The following RBM5 variants were observed in gnomAD, a reference collection of about 807,000 sequenced individuals.
RBM5 encodes RNA-binding protein 5.
Under a neutral mutation model 124.6 loss-of-function variants are expected in RBM5, and 15 were observed. The observed-to-expected ratio is 0.12, with a 90% CI of 0.08 to 0.19. The LOEUF is 0.19. Among genes scored for constraint, RBM5 ranks in the 10% least tolerant of loss-of-function variants. The pLI, the probability that RBM5 is intolerant of heterozygous loss-of-function variation, is 1.00. For missense variants in RBM5, 580 were observed against 1,026.5 expected (o/e 0.57, Z 5.94); for synonymous variants, 337 against 361.2 (o/e 0.93, Z 0.76).
chr3:50,107,672 CTTTTTTTTTTTTTTTTTTTT>C, intron 12 of RBM5, 103 bp downstream of exon 12: 2 of 102,172 alleles, frequency 2.0e-5, no homozygotes, highest in Admixed American at 2.2e-4. Context: ...CTTTTCTTTT[CTTTTTTTTTTTTTTTTTTTT>C]TTTTTTTTTT....
rs1012505819 is a variant in RBM5 at position 50,100,566 on chromosome 3, T to C, written c.444T>C (p.Tyr148=). 15 of 1,613,228 alleles carry C rather than the reference T, an allele frequency of 9.3e-6. No individual in the cohort carries two copies. Among genetic ancestry groups the C allele is most frequent in the African/African-American group, 1.3e-5 (1 of 74,900 alleles). Residue 148 remains tyrosine (Y), a synonymous_variant, in exon 6 of 25, where the codon TAT becomes TAC. Transcript: ENST00000347869. This position sits in a 1 kb window ranked among gnomAD's most constrained non-coding sequence, Gnocchi z 5.1. ...VSRGFAFVEF[Y]HLQDATSWME... ...GTGGTTTCGCCTTCGTGGAGTTTTA[T>C]CACTTGCAAGATGCTACCAGCTGGA...
chr3:50,106,745 T>C lies in RBM5; in HGVS notation c.856-22T>C, dbSNP rs370651779. Reference sequence around the variant, plus strand: ...GATTTTTAATTGCATTACACGTTTTTTTCCTTCACATTCTCCTTCAGGATG... The same window carrying C: ...GATTTTTAATTGCATTACACGTTTTCTTCCTTCACATTCTCCTTCAGGATG... On this transcript the variant is annotated intron_variant, in intron 10 of 24. Coordinates refer to ENST00000347869, the MANE Select transcript of RBM5 (RefSeq NM_005778.4). The C allele has an allele frequency of 1.2e-3, 1,898 of 1,536,302 alleles. 5 individuals carry two copies. Among genetic ancestry groups the C allele is most frequent in the Non-Finnish European group, 1.3e-3 (1,476 of 1,110,138 alleles).
At chr3:50,111,774 T>A (rs2091148682) in intron 17 of RBM5, among the ~76,000 whole-genome samples, 1 of 152,200 alleles carries the variant, frequency 6.6e-6, no homozygotes, top group African/African-American at 2.4e-5. Context: ...GAGGGTAGAA[T>A]TTAGCAGATG....
chr3:50,114,017 T>C lies in RBM5; in HGVS notation c.1685T>C (p.Phe562Ser). The C allele has an allele frequency of 6.2e-7, 1 of 1,614,206 alleles. No individual in the cohort carries two copies. The highest frequency in any genetic ancestry group is 8.5e-7 in the Non-Finnish European group (1 of 1,180,036). ...CAGAAAGAAAACTTTAAAAATAGCT[T>C]TCAGCCTGTCAATTCCTTGAGGGAA... ...NKQKENFKNS[F>S]QPVNSLREEE... Residue 562 changes from phenylalanine (F) to serine (S), a missense_variant, in exon 19 of 25, where the codon TTT (phenylalanine) becomes TCT (serine). Around this residue, in one of 6 missense-constraint regions of RBM5, gnomAD observed 234 missense variants for 435.1 expected, o/e 0.54. Transcript: ENST00000347869.
chr3:50,096,444 C>T (rs1347017072), intron 4 of RBM5, among the ~76,000 whole-genome samples: 2 of 151,900 alleles, frequency 1.3e-5, no homozygotes, highest in East Asian at 1.9e-4. Flanking sequence ...GTTGTGTTCA[C>T]GCCACTGCAC....
chr3:50,107,875 G>A (rs1166086668), intron 12 of RBM5, among the ~76,000 whole-genome samples, 195 bp from the exon 13 acceptor site: 2 of 151,194 alleles, frequency 1.3e-5, no homozygotes, highest in Non-Finnish European at 2.9e-5. Flanking sequence ...TAGTAGAGAT[G>A]GGATTTCACC....
chr3:50,102,934 TG>T, intron 6 of RBM5, 148 bp from the exon 7 acceptor site: 1 of 646,476 alleles, frequency 1.5e-6, no homozygotes, highest in South Asian at 1.7e-5. Flanking sequence ...AAGGATTGGA[TG>T]GGCAGAGTAT....
At chr3:50,101,196 A>G (rs2090932764) in intron 6 of RBM5, 1 of 152,228 alleles carries the variant, frequency 6.6e-6, no homozygotes, top group Non-Finnish European at 1.5e-5. Flanking sequence ...TGCCTTTTAT[A>G]GTCTGTTCAA....
At chr3:50,110,561 A>G (rs2091126109) in intron 16 of RBM5, 98 bp downstream of exon 16, 1 of 1,446,894 alleles carries the variant, frequency 6.9e-7, no homozygotes, top group African/African-American at 1.4e-5. Flanking sequence ...TCAGAGGGAC[A>G]CTTGGGGATG....
chr3:50,098,722 G>A (rs966618350), intron 4 of RBM5, among the ~76,000 whole-genome samples: 5 of 152,024 alleles, frequency 3.3e-5, no homozygotes, highest in East Asian at 1.9e-4. Flanking sequence ...AATTACAGGC[G>A]TGAGCCACTA....
At chr3:50,103,531 C>G (rs2090979165) in intron 7 of RBM5, among the ~76,000 whole-genome samples, 1 of 152,076 alleles carries the variant, frequency 6.6e-6, no homozygotes, top group Admixed American at 6.6e-5. Flanking sequence ...CCTGTAATCC[C>G]AGCTACTCGG....
intron 11 of RBM5, 187 bp downstream of exon 11, chr3:50,107,051 A>T (rs1400521196): frequency 1.4e-6 from 1 of 700,784 alleles, no homozygotes; most frequent in Admixed American, 2.0e-5. Flanking sequence ...TAACCAGTTG[A>T]TGAAGTTGCC....
intron 20 of RBM5, 74 bp from the exon 21 acceptor site, chr3:50,115,354 C>T (rs2091228739): frequency 1.3e-6 from 2 of 1,518,978 alleles, no homozygotes; most frequent in Admixed American, 2.1e-5. Context: ...TGAGGCATTA[C>T]TTTATCCAGG....
intron 18 of RBM5, 43 bp downstream of exon 18, chr3:50,113,587 G>C (rs1349100248): frequency 6.4e-7 from 1 of 1,554,082 alleles, no homozygotes; most frequent in African/African-American, 1.4e-5. Context: ...GTATTGGGCT[G>C]AACTCTTAGT....
intron 17 of RBM5, among the ~76,000 whole-genome samples, chr3:50,111,347 A>C (rs1200140584): frequency 6.6e-6 from 1 of 152,072 alleles, no homozygotes; most frequent in Non-Finnish European, 1.5e-5. Flanking sequence ...TGTACCTGTT[A>C]AACAGTCACT....
chr3:50,093,923 C>A, intron 4 of RBM5, 48 bp downstream of exon 4: 1 of 1,556,442 alleles, frequency 6.4e-7, no homozygotes, highest in Non-Finnish European at 8.8e-7. Flanking sequence ...GCACAATGAA[C>A]TTTGAGCTTC....
At chr3:50,091,977 T>C (rs2090711468) in intron 2 of RBM5, 66 bp from the exon 3 acceptor site, 1 of 1,534,358 alleles carries the variant, frequency 6.5e-7, no homozygotes, top group Admixed American at 1.7e-5. Flanking sequence ...GTGTGTATTT[T>C]TAACTATGTC....
At chr3:50,115,679 C>T (rs2109019828) in intron 21 of RBM5, 72 bp downstream of exon 21, 1 of 1,503,254 alleles carries the variant, frequency 6.7e-7, no homozygotes, top group East Asian at 2.3e-5. Flanking sequence ...CCTAACAGTC[C>T]TGACGGTTCC....
chr3:50,103,518 G>A (rs528311048), intron 7 of RBM5, among the ~76,000 whole-genome samples: 3 of 152,082 alleles, frequency 2.0e-5, no homozygotes, highest in East Asian at 1.9e-4. Flanking sequence ...ATCACGGTGC[G>A]CGCCTGTAAT....
Sources: gnomAD v4.1 joint callset for allele counts (sites outside exome capture counted in the v4.1 genomes callset) on GRCh38, gnomAD v4.1.1 for gene constraint, gnomAD v4.1.1 regional missense constraint, Gnocchi (gnomAD v3.1) non-coding constraint, MANE v1.5 for transcripts, NCBI Gene and HGNC (gene_info 2026-07-23, HGNC 2026-07-21) for gene names.